RERE: variants seen among roughly 807,000 people sequenced by gnomAD.
RERE encodes the protein arginine-glutamic acid dipeptide repeats protein.
A neutral mutation model predicts 146.1 loss-of-function variants in RERE; 40 were observed. The observed-to-expected ratio is 0.27, with a 90% confidence interval of 0.21 to 0.36. The LOEUF (loss-of-function observed/expected upper bound fraction) is 0.36. Among genes scored for constraint, RERE ranks in the 10% least tolerant of loss-of-function variants. The pLI is 1.00. For missense variants in RERE, 1,933 were observed against 2,138.7 expected, an observed-to-expected ratio of 0.90 and a Z score of 1.90; for synonymous variants, 1,003 against 866.0, an observed-to-expected ratio of 1.16 and a Z score of -2.78.
chr1:8,543,493 T>C (rs975595091), intron 6 of RERE, among the ~76,000 whole-genome samples: 4 of 152,228 alleles, frequency 2.6e-5, no homozygotes, highest in Admixed American at 1.3e-4. Context: ...TTTATTATTG[T>C]TCGTTATTTC....
chr1:8,473,176 T>C (rs1644711041), intron 10 of RERE, among the ~76,000 whole-genome samples: 1 of 152,182 alleles, frequency 6.6e-6, no homozygotes, highest in African/African-American at 2.4e-5. Context: ...TTTTTGGTTG[T>C]TCATTGTGAA....
chr1:8,369,512 A>T (rs1419021511), intron 12 of RERE, among the ~76,000 whole-genome samples: 8 of 123,576 alleles, frequency 6.5e-5, no homozygotes, highest in Non-Finnish European at 7.9e-5. Flanking sequence ...TTTTACTAAA[A>T]AAAAAAAAAA....
intron 1 of RERE, among the ~76,000 whole-genome samples, chr1:8,674,732 A>G (rs1638796294): frequency 6.6e-6 from 1 of 152,246 alleles, no homozygotes; most frequent in Non-Finnish European, 1.5e-5. Context: ...TACGCATTTC[A>G]TACTCCATTT....
At chr1:8,624,512 T>C (rs1646951807) in intron 2 of RERE, 132 bp from the exon 3 acceptor site, 1 of 596,980 alleles carries the variant, frequency 1.7e-6, no homozygotes, top group Non-Finnish European at 2.9e-6. Context: ...TTCCAAAAGA[T>C]GATATTAAAT....
chr1:8,416,390 C>T (rs1643764257), intron 12 of RERE, among the ~76,000 whole-genome samples: 1 of 152,002 alleles, frequency 6.6e-6, no homozygotes. Context: ...TCGAGACCAT[C>T]CTGGTTAACA....
chr1:8,415,690 C>T (rs1356304460), intron 12 of RERE, among the ~76,000 whole-genome samples: 3 of 152,240 alleles, frequency 2.0e-5, no homozygotes, highest in African/African-American at 7.2e-5. Context: ...AAGGGAATAT[C>T]AGCCAGTCTC....
intron 8 of RERE, among the ~76,000 whole-genome samples, chr1:8,508,150 C>T (rs540239759): frequency 2.6e-5 from 4 of 152,296 alleles, no homozygotes; most frequent in Admixed American, 1.3e-4. Context: ...GATAGAAATT[C>T]TGACACATGC....
At chr1:8,475,526 AC>A (rs1217343068) in intron 10 of RERE, among the ~76,000 whole-genome samples, 1 of 151,980 alleles carries the variant, frequency 6.6e-6, no homozygotes, top group African/African-American at 2.4e-5. Context: ...AAAAAGAAAT[AC>A]AAAAATTAGC....
chr1:8,359,627 G>T, intron 19 of RERE, 137 bp downstream of exon 19: 2 of 956,770 alleles, frequency 2.1e-6, no homozygotes, highest in Non-Finnish European at 3.2e-6. Flanking sequence ...TGGAGACAGG[G>T]TGTAAATAGC....
At chr1:8,727,716 T>C (rs1447311857) in intron 1 of RERE, among the ~76,000 whole-genome samples, 1 of 152,038 alleles carries the variant, frequency 6.6e-6, no homozygotes, top group Non-Finnish European at 1.5e-5. Flanking sequence ...ATGGTCTTGA[T>C]CTCTTAACCT....
chr1:8,404,245 G>A (rs1041859978), intron 12 of RERE, among the ~76,000 whole-genome samples: 4 of 152,014 alleles, frequency 2.6e-5, no homozygotes, highest in African/African-American at 9.7e-5. Flanking sequence ...GTGAAACCCC[G>A]TCTCTATTAA....
intron 12 of RERE, among the ~76,000 whole-genome samples, chr1:8,411,090 T>C (rs1450373619): frequency 6.6e-6 from 1 of 152,210 alleles, no homozygotes; most frequent in Non-Finnish European, 1.5e-5. Flanking sequence ...AACAGAGTAC[T>C]GTACAAAAGA....
intron 10 of RERE, among the ~76,000 whole-genome samples, chr1:8,481,718 T>C (rs1037949896): frequency 1.3e-5 from 2 of 152,228 alleles, no homozygotes; most frequent in Admixed American, 6.5e-5. Context: ...CTTAAGGTCC[T>C]ATGACTGGCT....
intron 4 of RERE, among the ~76,000 whole-genome samples, chr1:8,604,040 C>A (rs1425659068): frequency 6.6e-6 from 1 of 152,114 alleles, no homozygotes; most frequent in Non-Finnish European, 1.5e-5. Flanking sequence ...GACAAGCCTT[C>A]ATTTGCTAAT....
chr1:8,436,583 G>A (rs753761479), intron 11 of RERE, among the ~76,000 whole-genome samples: 3 of 152,134 alleles, frequency 2.0e-5, no homozygotes, highest in East Asian at 1.9e-4. Flanking sequence ...GAAATCCTCC[G>A]TGAGAGGATT....
At chr1:8,563,473 A>T (rs2124437230) in intron 4 of RERE, among the ~76,000 whole-genome samples, 1 of 152,332 alleles carries the variant, frequency 6.6e-6, no homozygotes, top group East Asian at 1.9e-4. Context: ...ACCTGCCACC[A>T]GCTCACAGCA....
chr1:8,355,715 G>A (rs1474553093), intron 21 of RERE, 116 bp from the exon 22 acceptor site: 1 of 896,052 alleles, frequency 1.1e-6, no homozygotes, highest in African/African-American at 1.7e-5. Context: ...TTCGGACACA[G>A]GAGCCAGCCC....
At chr1:8,500,457 C>G (rs1645116878) in intron 8 of RERE, among the ~76,000 whole-genome samples, 1 of 152,272 alleles carries the variant, frequency 6.6e-6, no homozygotes, top group Non-Finnish European at 1.5e-5. Flanking sequence ...AGTGATCCGC[C>G]AGCCTCGGCC....
chr1:8,432,940 ATACTTCTTAAGG>A (rs1557629767), intron 11 of RERE, among the ~76,000 whole-genome samples: 1 of 152,226 alleles, frequency 6.6e-6, no homozygotes, highest in African/African-American at 2.4e-5. Flanking sequence ...AAAGGGTGTG[ATACTTCTTAAGG>A]TACTTCTTAA....
Sources: allele counts gnomAD v4.1 joint callset (sites outside exome capture counted in the v4.1 genomes callset), GRCh38; gene constraint gnomAD v4.1.1; transcripts MANE v1.5; gene names NCBI Gene and HGNC (gene_info 2026-07-23, HGNC 2026-07-21).